AMOT: variants seen among roughly 807,000 people sequenced by gnomAD.
AMOT encodes angiomotin.
AMOT carries 11 observed loss-of-function variants against 67.0 expected under a neutral mutation model. The ratio of observed to expected loss-of-function variants is 0.16; its 90% CI spans 0.10 to 0.27. AMOT has a LOEUF of 0.27. Ranked by LOEUF, AMOT falls within the 10% of genes least tolerant of loss-of-function variation. The probability of loss-of-function intolerance (pLI) is 1.00; values close to 1 mark genes in which losing one functional copy is unlikely to be tolerated. For synonymous variants in AMOT, 326 were observed against 321.4 expected (o/e 1.01, Z -0.15); for missense variants, 753 against 852.0 (o/e 0.88, Z 1.45).
At chrX:112,813,068 A>G (rs1017968500) in intron 5 of AMOT, among the ~76,000 whole-genome samples, 1 of 112,601 alleles carries the variant, frequency 8.9e-6, no homozygotes, top group Non-Finnish European at 1.9e-5. Context: ...CATCTGAAAG[A>G]GCAGGCTTGG....
chrX:112,781,386 G>A lies in AMOT; in HGVS notation c.2241-268C>T, dbSNP rs1293089292. Among the ~76,000 whole-genome samples, 9 of 97,227 alleles carry A rather than the reference G, an allele frequency of 9.3e-5. No homozygotes were observed. In the Admixed American group the frequency reaches 1.1e-3, roughly 12 times the overall value. The allele number at this position is 97,227 out of a possible 115,157, so 84.4% of individuals were successfully genotyped here. Reference sequence around the variant, plus strand: ...ACTTGGGAGGCGGAGGTTGCAGTGAGCCAAGATAGTGCCACTGCACTCCAG... The same window carrying A: ...ACTTGGGAGGCGGAGGTTGCAGTGAACCAAGATAGTGCCACTGCACTCCAG... On this transcript the variant is annotated intron_variant, in intron 11 of 13. Coordinates refer to ENST00000371959, the MANE Select transcript of AMOT (RefSeq NM_001113490.2).
intron 1 of AMOT, among the ~76,000 whole-genome samples, chrX:112,839,455 A>G (rs1347851014): frequency 8.9e-6 from 1 of 111,929 alleles, no homozygotes; most frequent in East Asian, 2.8e-4. Flanking sequence ...ATGGGAGAAG[A>G]GGGTTATATT....
intron 11 of AMOT, 40 bp from the exon 12 acceptor site, chrX:112,781,158 T>A (rs1396463996): frequency 8.6e-7 from 1 of 1,156,710 alleles, no homozygotes; most frequent in Admixed American, 2.2e-5. Context: ...GACCTTGTTG[T>A]GGGCTGGGCG....
chrX:112,795,232 TTC>T (rs1933760942), intron 8 of AMOT, among the ~76,000 whole-genome samples: 4 of 101,379 alleles, frequency 3.9e-5, no homozygotes, highest in Admixed American at 2.2e-4. Flanking sequence ...TCTTCCCTCT[TTC>T]TCTGTCTCTC....
At chrX:112,828,221 A>G (rs2147828059) in intron 2 of AMOT, among the ~76,000 whole-genome samples, 1 of 109,473 alleles carries the variant, frequency 9.1e-6, no homozygotes, top group East Asian at 2.9e-4. Flanking sequence ...GGTTATCTCA[A>G]TGGATAGGCA....
intron 1 of AMOT, among the ~76,000 whole-genome samples, chrX:112,834,229 T>C (rs1935075821): frequency 8.9e-6 from 1 of 111,788 alleles, no homozygotes. Flanking sequence ...GTTTCTCTGC[T>C]CCTTTACTGA....
In AMOT at chrX:112,839,001, G is replaced by C. The variant is rs1164423866; in HGVS notation, c.-289+1451C>G. On this transcript the variant is annotated intron_variant, in intron 1 of 13. Coordinates refer to ENST00000371959, the MANE Select transcript of AMOT (RefSeq NM_001113490.2). ...TGTCCCAGGCCAGTTATAAAATGTA[G>C]TTTGGTCAGGCCAGCTTTTCCCTCC... Among the ~76,000 whole-genome samples the C allele has an allele frequency of 2.7e-5, 3 of 112,450 alleles. No individual in the cohort carries two copies. In the Admixed American group the frequency reaches 2.8e-4, roughly 11 times the overall value.
chrX:112,825,623 C>G (rs1168166857), intron 2 of AMOT, among the ~76,000 whole-genome samples: 4 of 110,600 alleles, frequency 3.6e-5, no homozygotes, highest in Non-Finnish European at 7.6e-5. Context: ...GTCCCACATC[C>G]CAGAAGGGAG....
intron 7 of AMOT, 32 bp downstream of exon 7, chrX:112,809,862 T>C (rs1199223838): frequency 8.5e-7 from 1 of 1,172,116 alleles, no homozygotes; most frequent in Non-Finnish European, 1.2e-6. Context: ...CATCCACACG[T>C]TAATACCTGT....
At chrX:112,801,541 T>C (rs1293425494) in intron 8 of AMOT, among the ~76,000 whole-genome samples, 2 of 111,560 alleles carry the variant, frequency 1.8e-5, no homozygotes, top group African/African-American at 6.5e-5. Context: ...CATGAAAGAA[T>C]GCATTGAACT....
intron 5 of AMOT, among the ~76,000 whole-genome samples, chrX:112,814,461 C>T (rs1458538852): frequency 9.1e-6 from 1 of 109,531 alleles, no homozygotes; most frequent in African/African-American, 3.3e-5. Context: ...TGTCCCTCCC[C>T]CACCTTCACC....
intron 8 of AMOT, 49 bp downstream of exon 8, chrX:112,804,898 T>TGACC: frequency 8.4e-6 from 7 of 837,575 alleles, no homozygotes; most frequent in African/African-American, 2.0e-5. Context: ...GTCCCCGATT[T>TGACC]CCCAGCCCTC....
intron 4 of AMOT, chrX:112,819,503 G>T: frequency 1.9e-6 from 1 of 519,891 alleles, no homozygotes; most frequent in Non-Finnish European, 2.4e-6. Context: ...ATCTGGGCAT[G>T]ATTTCAACAA....
In AMOT at chrX:112,778,554, T is replaced by C. The variant is rs758948283; in HGVS notation, c.*13A>G. ...CATTTTTGCTGATAATCTGCAGCTC[T>C]TGATTTGGCCGTTTAGATGAGATAT... is the stretch of plus-strand genomic sequence containing the variant. On this transcript the variant is annotated 3_prime_UTR_variant, in exon 14 of 14. Transcript: ENST00000371959. The C allele has an allele frequency of 3.4e-6, 4 of 1,184,273 alleles. No individual in the cohort carries two copies. The Admixed American group carries it at 6.8e-5, about 20-fold the overall frequency.
intron 3 of AMOT, 105 bp from the exon 4 acceptor site, chrX:112,823,293 A>C (rs1014805896): frequency 4.1e-6 from 2 of 489,739 alleles, no homozygotes; most frequent in African/African-American, 4.9e-5. Context: ...TTGCAGAAAC[A>C]AAGTAGAGAA....
intron 1 of AMOT, among the ~76,000 whole-genome samples, chrX:112,832,655 G>C (rs746840823): frequency 4.5e-5 from 5 of 112,283 alleles, no homozygotes; most frequent in Admixed American, 9.4e-5. Context: ...TCTTGAGCAA[G>C]TGAGTGAGCT....
chrX:112,807,058 G>C (rs1334844747), intron 7 of AMOT, among the ~76,000 whole-genome samples: 2 of 111,452 alleles, frequency 1.8e-5, no homozygotes, highest in Non-Finnish European at 3.8e-5. Context: ...ATGAGTTTTT[G>C]GGATTTTGTT....
chrX:112,789,062 A>G (rs184827067), intron 10 of AMOT, among the ~76,000 whole-genome samples: 6 of 111,374 alleles, frequency 5.4e-5, no homozygotes, highest in Non-Finnish European at 9.4e-5. Flanking sequence ...AGTAGGCACC[A>G]TGAACCGTAG....
At chrX:112,801,679 G>A (rs1018833678) in intron 8 of AMOT, among the ~76,000 whole-genome samples, 1 of 112,137 alleles carries the variant, frequency 8.9e-6, no homozygotes, top group African/African-American at 3.2e-5. Flanking sequence ...AGATTAGCAA[G>A]AAGGAATGAA....
Sources: gnomAD v4.1 joint callset for allele counts (sites outside exome capture counted in the v4.1 genomes callset) on GRCh38, gnomAD v4.1.1 for gene constraint, MANE v1.5 for transcripts, NCBI Gene and HGNC (gene_info 2026-07-23, HGNC 2026-07-21) for gene names.